The following EEPD1 variants were observed in gnomAD, a reference collection of about 807,000 sequenced individuals.
The protein encoded by EEPD1 is endonuclease/exonuclease/phosphatase family domain containing 1.
A neutral mutation model predicts 46.3 loss-of-function variants in EEPD1; 17 were observed. That is an observed-to-expected ratio of 0.37 (90% CI 0.25 to 0.55). EEPD1 has a LOEUF of 0.55. EEPD1 is among the 20% of genes least tolerant of loss of function. The pLI, the probability that EEPD1 is intolerant of heterozygous loss-of-function variation, is 0.83. For synonymous variants in EEPD1, 313 were observed against 315.6 expected, an observed-to-expected ratio of 0.99 and a Z score of 0.09; for missense variants, 673 against 745.6, an observed-to-expected ratio of 0.90 and a Z score of 1.13.
intron 2 of EEPD1, among the ~76,000 whole-genome samples, chr7:36,157,799 C>A (rs973076661): frequency 5.9e-5 from 9 of 152,122 alleles, no homozygotes; most frequent in Non-Finnish European, 1.3e-4. Flanking sequence ...GTATGACTGT[C>A]CTAGGGTATC....
intron 3 of EEPD1, among the ~76,000 whole-genome samples, chr7:36,251,569 C>CA (rs765214622): frequency 1.6e-4 from 24 of 152,244 alleles, no homozygotes; most frequent in Non-Finnish European, 3.1e-4. Flanking sequence ...CTTGGCCTCC[C>CA]AGAGTGCTGG....
chr7:36,225,537 T>A lies in EEPD1; in HGVS notation c.879-13448T>A, dbSNP rs139461418. The stretch of plus-strand genomic sequence containing the variant: ...AGCATACCCTGGGAATAATAAAGAA[T>A]AACAACGATAAGAGGGGGACAAGCA... On this transcript the variant is annotated intron_variant, in intron 2 of 7. Transcript: ENST00000242108. This position sits in a 1 kb window ranked among gnomAD's most constrained non-coding sequence, Gnocchi z 4.2. Among the ~76,000 whole-genome samples, 526 of 151,988 alleles carry A rather than the reference T, an allele frequency of 3.5e-3. 8 individuals are homozygous for A. The highest frequency in any genetic ancestry group is 0.012 in the African/African-American group (496 of 41,462).
chr7:36,269,725 A>G (rs1281981032), intron 3 of EEPD1, among the ~76,000 whole-genome samples: 2 of 151,910 alleles, frequency 1.3e-5, no homozygotes, highest in Admixed American at 6.6e-5. Context: ...GAGAGATCCC[A>G]TCTCTATTCT....
intron 3 of EEPD1, among the ~76,000 whole-genome samples, chr7:36,241,987 T>C (rs1361097373): frequency 2.0e-5 from 3 of 152,132 alleles, no homozygotes; most frequent in African/African-American, 7.2e-5. Flanking sequence ...ATCAGAGAAA[T>C]AGGGTCAGGG....
chr7:36,177,373 G>T (rs926826893), intron 2 of EEPD1, among the ~76,000 whole-genome samples: 2 of 152,058 alleles, frequency 1.3e-5, no homozygotes, highest in African/African-American at 4.8e-5. Flanking sequence ...CATCATCCAG[G>T]TAGTGAGCAT....
chr7:36,237,808 A>G (rs1426439775), intron 2 of EEPD1, among the ~76,000 whole-genome samples: 2 of 151,996 alleles, frequency 1.3e-5, no homozygotes, highest in East Asian at 1.9e-4. Flanking sequence ...AAAATTAGCT[A>G]GATGTAGCAG....
intron 3 of EEPD1, among the ~76,000 whole-genome samples, chr7:36,257,379 T>C (rs1167767901): frequency 6.6e-6 from 1 of 152,198 alleles, no homozygotes; most frequent in East Asian, 1.9e-4. Flanking sequence ...TCTTTCTAGG[T>C]TGGGGAAGTT....
chr7:36,158,353 A>G (rs1784855732), intron 2 of EEPD1, among the ~76,000 whole-genome samples: 3 of 149,674 alleles, frequency 2.0e-5, no homozygotes, highest in Non-Finnish European at 4.5e-5. Flanking sequence ...AGCCAGTCAC[A>G]GTGTCTTAAA....
chr7:36,174,210 G>C (rs550235067), intron 2 of EEPD1, among the ~76,000 whole-genome samples: 4 of 152,276 alleles, frequency 2.6e-5, no homozygotes, highest in African/African-American at 9.6e-5. Context: ...GATTACCCAC[G>C]CTTACCTCCT....
chr7:36,231,114 G>A (rs146527662), intron 2 of EEPD1: 4 of 152,162 alleles, frequency 2.6e-5, no homozygotes, highest in East Asian at 1.9e-4. Flanking sequence ...GTCTTTTTGG[G>A]GGCCATCGAG....
At chr7:36,209,710 C>A (rs141663448) in intron 2 of EEPD1, among the ~76,000 whole-genome samples, 117 of 152,052 alleles carry the variant, frequency 7.7e-4, no homozygotes, top group East Asian at 4.4e-3. Flanking sequence ...GCAGATCTCG[C>A]GTGAACTACC....
intron 2 of EEPD1, among the ~76,000 whole-genome samples, chr7:36,226,135 C>G (rs1786228678): frequency 6.6e-6 from 1 of 152,204 alleles, no homozygotes; most frequent in Non-Finnish European, 1.5e-5. Context: ...TGGATCTAAG[C>G]CTTAGAGTAT....
chr7:36,231,017 A>G (rs1786315872), intron 2 of EEPD1: 1 of 152,180 alleles, frequency 6.6e-6, no homozygotes, highest in Admixed American at 6.5e-5. Context: ...TTTAGGTTAT[A>G]ATCTATTCTG....
At chr7:36,286,972 C>G (rs1787350292) in intron 5 of EEPD1, among the ~76,000 whole-genome samples, 1 of 152,072 alleles carries the variant, frequency 6.6e-6, no homozygotes, top group Non-Finnish European at 1.5e-5. Flanking sequence ...CCTATAATCC[C>G]AGAACTTTGG....
chr7:36,158,178 A>G (rs934091217), intron 2 of EEPD1, among the ~76,000 whole-genome samples: 14 of 152,334 alleles, frequency 9.2e-5, no homozygotes, highest in African/African-American at 2.9e-4. Context: ...ACATGACTCT[A>G]TCAGGCAGCT....
chr7:36,265,327 T>C (rs911093968), intron 3 of EEPD1, among the ~76,000 whole-genome samples: 3 of 151,612 alleles, frequency 2.0e-5, no homozygotes, highest in Non-Finnish European at 4.4e-5. Flanking sequence ...TGACAATTCC[T>C]GAACAACTCT....
intron 2 of EEPD1, among the ~76,000 whole-genome samples, chr7:36,194,536 T>G (rs914845192): frequency 9.9e-5 from 15 of 152,172 alleles, no homozygotes; most frequent in Non-Finnish European, 2.2e-4. Flanking sequence ...TGCATTTCCC[T>G]TGTATCAGAA....
intron 5 of EEPD1, among the ~76,000 whole-genome samples, chr7:36,287,329 TAGAA>T (rs1787356011): frequency 6.6e-6 from 1 of 151,130 alleles, no homozygotes; most frequent in Non-Finnish European, 1.5e-5. Flanking sequence ...TAGGACTGCT[TAGAA>T]AGAAAGAAAA....
chr7:36,268,913 A>G (rs1787063445), intron 3 of EEPD1, among the ~76,000 whole-genome samples: 1 of 152,254 alleles, frequency 6.6e-6, no homozygotes, highest in South Asian at 2.1e-4. Flanking sequence ...TGGTAGATCC[A>G]AAGTTTGAAT....
Sources: allele counts gnomAD v4.1 joint callset (sites outside exome capture counted in the v4.1 genomes callset), GRCh38; gene constraint gnomAD v4.1.1; non-coding constraint Gnocchi (gnomAD v3.1); transcripts MANE v1.5; gene names NCBI Gene and HGNC (gene_info 2026-07-23, HGNC 2026-07-21).